The following JAKMIP2 variants were observed in gnomAD, a reference collection of about 807,000 sequenced individuals.
JAKMIP2 encodes janus kinase and microtubule-interacting protein 2.
In JAKMIP2, 25 loss-of-function variants were observed where a neutral mutation model predicts 115.0. The observed-to-expected ratio is 0.22, with a 90% confidence interval of 0.16 to 0.30. The LOEUF (loss-of-function observed/expected upper bound fraction) is 0.30. Ranked by LOEUF, JAKMIP2 falls within the 10% of genes least tolerant of loss-of-function variation. The pLI is 1.00. For synonymous variants in JAKMIP2, 334 were observed against 343.6 expected, an observed-to-expected ratio of 0.97 and a Z score of 0.31; for missense variants, 642 against 957.6, an observed-to-expected ratio of 0.67 and a Z score of 4.35.
intron 20 of JAKMIP2, among the ~76,000 whole-genome samples, chr5:147,610,275 T>C (rs1008392866): frequency 1.1e-4 from 17 of 152,216 alleles, no homozygotes; most frequent in Non-Finnish European, 2.1e-4. Flanking sequence ...TTCTGGTTTT[T>C]GGAATTTTCA....
intron 1 of JAKMIP2, among the ~76,000 whole-genome samples, chr5:147,724,330 G>A (rs901456464): frequency 3.3e-5 from 5 of 152,002 alleles, no homozygotes; most frequent in Non-Finnish European, 7.4e-5. Context: ...CATTATTTTT[G>A]TTGTCTTGCT....
At chr5:147,774,694 C>T (rs537597057) in intron 1 of JAKMIP2, among the ~76,000 whole-genome samples, 2 of 152,108 alleles carry the variant, frequency 1.3e-5, no homozygotes, top group Admixed American at 6.6e-5. Flanking sequence ...GGAGTAAGAG[C>T]TCAGTTTATT....
intron 1 of JAKMIP2, among the ~76,000 whole-genome samples, chr5:147,696,226 T>C (rs1320908768): frequency 2.0e-5 from 3 of 152,184 alleles, no homozygotes; most frequent in Non-Finnish European, 4.4e-5. Context: ...GGTTTGGCTG[T>C]GTCCCCAGCC....
chr5:147,778,957 G>T (rs900275189), intron 1 of JAKMIP2, among the ~76,000 whole-genome samples: 1 of 152,040 alleles, frequency 6.6e-6, no homozygotes, highest in African/African-American at 2.4e-5. Flanking sequence ...TGTGTAAACA[G>T]GGAATTGCAA....
intron 21 of JAKMIP2, among the ~76,000 whole-genome samples, chr5:147,594,052 G>A (rs1421036886): frequency 1.3e-5 from 2 of 152,176 alleles, no homozygotes; most frequent in South Asian, 2.1e-4. Context: ...CCTCATTTGA[G>A]TAAACACATG....
chr5:147,660,910 T>C, intron 3 of JAKMIP2, 38 bp downstream of exon 3: 1 of 1,590,390 alleles, frequency 6.3e-7, no homozygotes, highest in Non-Finnish European at 8.6e-7. Flanking sequence ...CTGGAAGAGA[T>C]GGGTTCTACA....
At chr5:147,753,892 CTG>C (rs1258919451) in intron 1 of JAKMIP2, among the ~76,000 whole-genome samples, 26 of 151,146 alleles carry the variant, frequency 1.7e-4, no homozygotes, top group Admixed American at 1.3e-3. Flanking sequence ...GTCTGGAACA[CTG>C]TAGCCATTTT....
intron 1 of JAKMIP2, among the ~76,000 whole-genome samples, chr5:147,699,595 T>C (rs949455289): frequency 6.6e-6 from 1 of 151,984 alleles, no homozygotes; most frequent in African/African-American, 2.4e-5. Context: ...AATGAACTAG[T>C]TTTCTTGAAC....
chr5:147,661,523 C>T lies in JAKMIP2; in HGVS notation c.130-78G>A, dbSNP rs958000073. The T allele has an allele frequency of 2.5e-5, 36 of 1,436,794 alleles. No homozygotes were observed. The African/African-American group carries it at 4.1e-4, about 16-fold the overall frequency. 89.0% of individuals were successfully genotyped at this position (1,436,794 alleles called of 1,614,324 possible). On this transcript the variant is annotated intron_variant, in intron 2 of 21. Transcript: ENST00000616793. ...GTGCTCCTAGGCAGGATTTGCAGCT[C>T]AGGCCGCTGTGATCTCTTAATTCCT...
At chr5:147,642,662 CT>C (rs200386795) in intron 7 of JAKMIP2, among the ~76,000 whole-genome samples, 182 of 140,774 alleles carry the variant, frequency 1.3e-3, no homozygotes, top group Admixed American at 2.1e-3. Flanking sequence ...GGTGTTCGGG[CT>C]TTTTTTTTTT....
intron 1 of JAKMIP2, among the ~76,000 whole-genome samples, chr5:147,702,935 G>A (rs973234470): frequency 3.3e-5 from 5 of 152,034 alleles, no homozygotes; most frequent in Admixed American, 3.3e-4. Flanking sequence ...TTTCCAATAG[G>A]AGTTTAACAA....
chr5:147,657,499 G>A (rs994174299), intron 3 of JAKMIP2, among the ~76,000 whole-genome samples: 1 of 152,100 alleles, frequency 6.6e-6, no homozygotes, highest in South Asian at 2.1e-4. Context: ...ATCTTCTAAT[G>A]GAGTATCTTA....
chr5:147,590,735 C>G lies in JAKMIP2; in HGVS notation c.*972G>C, dbSNP rs1755063884. 6.6e-6 allele frequency: 1 copy of G among 152,128 alleles called. No individual in the cohort carries two copies. The highest frequency in any genetic ancestry group is 2.1e-4 in the South Asian group (1 of 4,826). The allele number at this position is 152,128 out of a possible 1,614,324, so 9.4% of individuals were successfully genotyped here. A position where few individuals can be genotyped will look rare whatever the true frequency, so the allele number is the denominator to read the frequency against. On this transcript the variant is annotated 3_prime_UTR_variant, in exon 22 of 22. Coordinates refer to ENST00000616793, the MANE Select transcript of JAKMIP2 (RefSeq NM_001270941.2). ...AACAGTATTTTGGAAATGAAAGATTCAGAGATGCTCTCTGGCCCATGTTCC... is the reference window on the plus strand; with the variant it reads ...AACAGTATTTTGGAAATGAAAGATTGAGAGATGCTCTCTGGCCCATGTTCC...
chr5:147,594,422 C>T (rs544858610), intron 21 of JAKMIP2: 1 of 455,498 alleles, frequency 2.2e-6, no homozygotes, highest in South Asian at 1.6e-5. Context: ...GCAGCATCGA[C>T]CTCTGGGGCT....
intron 1 of JAKMIP2, among the ~76,000 whole-genome samples, chr5:147,755,227 GGATACTGGC>G (rs1754701223): frequency 6.6e-6 from 1 of 152,132 alleles, no homozygotes; most frequent in African/African-American, 2.4e-5. Flanking sequence ...TCTTAAATAA[GGATACTGGC>G]AGTGAGGACA....
Position 147,589,278 on chromosome 5 carries a change from C to G in JAKMIP2, c.*2429G>C, listed in dbSNP as rs1045766193. On this transcript the variant is annotated 3_prime_UTR_variant, in exon 22 of 22. Transcript: ENST00000616793. Reference sequence around the variant, plus strand: ...CCTGACCAGCATAGTGAAACCCTGTCTCTACTAAAAATACAAAAATTAGCC... The same window carrying G: ...CCTGACCAGCATAGTGAAACCCTGTGTCTACTAAAAATACAAAAATTAGCC... The G allele has an allele frequency of 2.0e-5, 3 of 152,104 alleles. No homozygotes were observed. Among genetic ancestry groups the G allele is most frequent in the African/African-American group, 7.3e-5 (3 of 41,378 alleles). 9.4% of individuals were successfully genotyped at this position (152,104 alleles called of 1,614,324 possible). A position where few individuals can be genotyped will look rare whatever the true frequency, so the allele number is the denominator to read the frequency against.
intron 11 of JAKMIP2, 190 bp from the exon 12 acceptor site, chr5:147,636,474 C>G (rs1162656298): frequency 1.7e-6 from 1 of 601,386 alleles, no homozygotes; most frequent in East Asian, 2.8e-5. Context: ...AAAATTTAAC[C>G]CCCTTTTCAT....
chr5:147,688,081 CTTTTT>C (rs1760657215), intron 1 of JAKMIP2, among the ~76,000 whole-genome samples: 1 of 152,172 alleles, frequency 6.6e-6, no homozygotes. Flanking sequence ...ACACAACACT[CTTTTT>C]CATATCTATT....
At chr5:147,748,880 C>A (rs911225658) in intron 1 of JAKMIP2, among the ~76,000 whole-genome samples, 1 of 152,158 alleles carries the variant, frequency 6.6e-6, no homozygotes, top group African/African-American at 2.4e-5. Context: ...CACTGTGAAC[C>A]AGAAGACCTG....
Sources: allele counts gnomAD v4.1 joint callset (sites outside exome capture counted in the v4.1 genomes callset), GRCh38; gene constraint gnomAD v4.1.1; transcripts MANE v1.5; gene names NCBI Gene and HGNC (gene_info 2026-07-23, HGNC 2026-07-21).